Variants in SLC12A1 observed in about 807,000 individuals in gnomAD.
The protein encoded by SLC12A1 is Na-K-2Cl cotransporter.
SLC12A1 carries 89 observed loss-of-function variants against 130.4 expected under a neutral mutation model. The ratio of observed to expected loss-of-function variants is 0.68; its 90% confidence interval spans 0.58 to 0.81. The LOEUF (loss-of-function observed/expected upper bound fraction) is 0.81, where lower values mean the gene tolerates loss of function less well. SLC12A1 is among the 40% of genes least tolerant of loss of function. SLC12A1 has a pLI of 0.00. For missense variants in SLC12A1, 1,310 were observed against 1,336.4 expected, an observed-to-expected ratio of 0.98 and a Z score of 0.31; for synonymous variants, 499 against 460.0, an observed-to-expected ratio of 1.08 and a Z score of -1.09.
intron 16 of SLC12A1, among the ~76,000 whole-genome samples, chr15:48,258,016 C>T (rs1237224098): frequency 1.3e-5 from 2 of 152,162 alleles, no homozygotes; most frequent in Admixed American, 6.5e-5. Flanking sequence ...TTCAAAGTTT[C>T]ACAGATTTCT....
chr15:48,273,714 T>C (rs2041921563), intron 19 of SLC12A1, among the ~76,000 whole-genome samples: 1 of 152,204 alleles, frequency 6.6e-6, no homozygotes, highest in East Asian at 1.9e-4. Context: ...CAAACTTATG[T>C]ATACCAAATG....
At chr15:48,221,056 CT>C in intron 4 of SLC12A1, 60 bp downstream of exon 4, 2 of 1,421,678 alleles carry the variant, frequency 1.4e-6, no homozygotes, top group Non-Finnish European at 2.0e-6. Flanking sequence ...AATAAGCAAT[CT>C]TTTTTCACCA....
rs192161781 is a variant in SLC12A1, at chr15:48,303,924, A to G, written c.*1039A>G. ...ACTGATTTTTTTCATTTTTGTTAGT[A>G]TACCTATAATACATAATCACATTGA... On this transcript the variant is annotated 3_prime_UTR_variant, in exon 27 of 27. Coordinates refer to ENST00000380993, the MANE Select transcript of SLC12A1 (RefSeq NM_000338.3). The G allele has an allele frequency of 6.6e-6, 1 of 152,334 alleles. No individual in the cohort carries two copies. The highest frequency in any genetic ancestry group is 2.4e-5 in the African/African-American group (1 of 41,586). The allele number at this position is 152,334 out of a possible 1,614,324, so 9.4% of individuals were successfully genotyped here.
chr15:48,274,870 C>G (rs2041934802), intron 20 of SLC12A1, among the ~76,000 whole-genome samples: 1 of 152,160 alleles, frequency 6.6e-6, no homozygotes, highest in Admixed American at 6.5e-5. Context: ...TAGAGGAATT[C>G]AAGGTAGTCA....
intron 25 of SLC12A1, among the ~76,000 whole-genome samples, chr15:48,299,741 G>T (rs185740613): frequency 5.3e-5 from 8 of 152,302 alleles, no homozygotes; most frequent in Admixed American, 2.6e-4. Context: ...ATGGAAGCTG[G>T]ATCCAGCACA....
chr15:48,231,461 T>C (rs1359946959), intron 7 of SLC12A1, among the ~76,000 whole-genome samples: 1 of 152,178 alleles, frequency 6.6e-6, no homozygotes, highest in East Asian at 1.9e-4. Flanking sequence ...CAATGAAGTT[T>C]AGTTAGCAGT....
intron 18 of SLC12A1, among the ~76,000 whole-genome samples, chr15:48,267,956 C>T (rs1402708574): frequency 2.0e-5 from 3 of 152,132 alleles, no homozygotes; most frequent in Admixed American, 6.6e-5. Context: ...ATACATTCTG[C>T]CCCCGTACTT....
chr15:48,250,594 G>A lies in SLC12A1; in HGVS notation c.1786+918G>A, dbSNP rs921833585. ...AGGGAAAAGAGTAAAAAAGAGAACG[G>A]GAAAGAAGGAGAGAGACAGGAAAAT... On this transcript the variant is annotated intron_variant, in intron 14 of 26. Coordinates refer to ENST00000380993, the MANE Select transcript of SLC12A1 (RefSeq NM_000338.3). 2.0e-5 allele frequency among the ~76,000 whole-genome samples: 3 copies of A among 150,364 alleles called. No individual in the cohort carries two copies. In the South Asian group the frequency reaches 6.3e-4, roughly 32 times the overall value.
intron 16 of SLC12A1, among the ~76,000 whole-genome samples, chr15:48,258,460 C>T (rs1198806502): frequency 6.7e-6 from 1 of 150,164 alleles, no homozygotes; most frequent in Admixed American, 6.7e-5. Context: ...ACTTTATTGT[C>T]CATATCACTA....
At chr15:48,264,554 A>G (rs1182836060) in intron 17 of SLC12A1, among the ~76,000 whole-genome samples, 1 of 152,084 alleles carries the variant, frequency 6.6e-6, no homozygotes, top group Non-Finnish European at 1.5e-5. Context: ...AGCCTCTGTT[A>G]TGATGTTAAT....
chr15:48,230,409 T>C lies in SLC12A1; in HGVS notation c.881T>C (p.Met294Thr), dbSNP rs1202631207. 1.2e-6 allele frequency: 2 copies of C among 1,611,004 alleles called. No individual in the cohort carries two copies. Among genetic ancestry groups the C allele is most frequent in the East Asian group, 2.2e-5 (1 of 44,854 alleles). Residue 294 changes from methionine (M) to threonine (T), a missense_variant, in exon 7 of 27, where the codon ATG (methionine) becomes ACG (threonine). By Grantham distance (81) the Met-to-Thr change is moderately conservative (BLOSUM62 -1). Coordinates refer to ENST00000380993, the MANE Select transcript of SLC12A1 (RefSeq NM_000338.3). ...TTTCCCCAGGAGAGTGATTCGATGA[T>C]GGTGGATCCAACCAATGACATCCGG... Reference protein sequence around the residue: ...VDLLKESDSMMVDPTNDIRII... With the variant: ...VDLLKESDSMTVDPTNDIRII...
Position 48,207,790 on chromosome 15 carries a change from G to C in SLC12A1, c.71G>C (p.Ser24Thr). 1 of 1,613,482 alleles carries C rather than the reference G, an allele frequency of 6.2e-7. No individual in the cohort carries two copies. The highest frequency in any genetic ancestry group is 8.5e-7 in the Non-Finnish European group (1 of 1,179,692). ...AGTAATACCAATCGCTTTCAAGTTA[G>C]TGTCATAAATGAGAACCATGAGAGC... ...VPSNTNRFQV[S>T]VINENHESSA... is the part of the protein sequence containing the mutation. The change falls in exon 2 of 27, where the codon AGT (serine) becomes ACT (threonine). Residue 24 changes from serine to threonine, a missense_variant. Transcript: ENST00000380993.
At chr15:48,297,233 GGAGA>G (rs2042186357) in intron 24 of SLC12A1, among the ~76,000 whole-genome samples, 1 of 152,126 alleles carries the variant, frequency 6.6e-6, no homozygotes, top group Admixed American at 6.5e-5. Context: ...ATGTTCCGTA[GGAGA>G]GAAAGTTTGT....
chr15:48,301,393 T>C lies in SLC12A1; in HGVS notation c.3164+11T>C, dbSNP rs1436508120. On this transcript the variant is annotated intron_variant, in intron 26 of 26. Transcript: ENST00000380993. The stretch of plus-strand genomic sequence containing the variant: ...TAATCTCATTGTCCTGTAAGTATCA[T>C]TGCAAGCATTGAAGAACATTAGAAA... 4.5e-6 allele frequency: 7 copies of C among 1,547,670 alleles called. No individual in the cohort carries two copies. Among genetic ancestry groups the C allele is most frequent in the Admixed American group, 1.8e-5 (1 of 54,214 alleles).
chr15:48,249,462 A>G, intron 13 of SLC12A1, 113 bp from the exon 14 acceptor site: 1 of 812,698 alleles, frequency 1.2e-6, no homozygotes, highest in Non-Finnish European at 2.1e-6. Context: ...ACTTTGACAG[A>G]TGCTCGCTAT....
intron 16 of SLC12A1, among the ~76,000 whole-genome samples, chr15:48,258,339 C>T (rs1185447703): frequency 5.6e-5 from 3 of 53,920 alleles, no homozygotes; most frequent in Non-Finnish European, 2.5e-5. Context: ...CCAGCCTGGG[C>T]GACAGAGCGA....
chr15:48,293,671 TCAAA>T (rs1313437803), intron 24 of SLC12A1, among the ~76,000 whole-genome samples: 5 of 152,204 alleles, frequency 3.3e-5, no homozygotes, highest in Non-Finnish European at 7.3e-5. Context: ...TTCCTACTGA[TCAAA>T]CAAACTTGAA....
chr15:48,249,424 C>A, intron 13 of SLC12A1, 151 bp from the exon 14 acceptor site: 1 of 658,456 alleles, frequency 1.5e-6, no homozygotes, highest in East Asian at 2.7e-5. Context: ...AAATATGTAT[C>A]CCCAAAGAAA....
intron 20 of SLC12A1, among the ~76,000 whole-genome samples, chr15:48,282,224 GTC>G (rs2141107312): frequency 6.6e-6 from 1 of 152,284 alleles, no homozygotes; most frequent in Admixed American, 6.5e-5. Context: ...GTAATCTTCT[GTC>G]TCTATCATCT....
Sources: allele counts gnomAD v4.1 joint callset (sites outside exome capture counted in the v4.1 genomes callset), GRCh38; gene constraint gnomAD v4.1.1; transcripts MANE v1.5; gene names NCBI Gene and HGNC (gene_info 2026-07-23, HGNC 2026-07-21).